SLC35F5: variants seen among roughly 807,000 people sequenced by gnomAD.
The protein encoded by SLC35F5 is HCV NS5A-transactivated protein 3.
SLC35F5 carries 54 observed loss-of-function variants against 68.6 expected under a neutral mutation model. The observed-to-expected ratio is 0.79, with a 90% CI of 0.63 to 0.99. SLC35F5 has a LOEUF of 0.99. Among genes scored for constraint, SLC35F5 ranks in the 50% least tolerant of loss-of-function variants. The probability of loss-of-function intolerance (pLI) is 0.00; values close to 1 mark genes in which losing one functional copy is unlikely to be tolerated. For missense variants in SLC35F5, 567 were observed against 626.9 expected (o/e 0.90, Z 1.02); for synonymous variants, 211 against 205.2 (o/e 1.03, Z -0.24).
chr2:113,723,960 C>T (rs1358243776), intron 12 of SLC35F5, among the ~76,000 whole-genome samples: 1 of 152,078 alleles, frequency 6.6e-6, no homozygotes, highest in African/African-American at 2.4e-5. Context: ...CAAGATAAAA[C>T]CATAATGTAT....
rs137888570 is a variant in SLC35F5, at chr2:113,725,759, A to G, written c.1091-222T>C. The stretch of plus-strand genomic sequence containing the variant: ...TGGTGATCACTCAGTTCAACTACCC[A>G]CATTGTATGGGAGCAACTACTATGG... On this transcript the variant is annotated intron_variant, in intron 11 of 15. Coordinates refer to ENST00000245680, the MANE Select transcript of SLC35F5 (RefSeq NM_025181.5). The G allele has an allele frequency of 3.9e-3, 1,610 of 409,640 alleles. 11 individuals are homozygous for G. The highest frequency in any genetic ancestry group is 5.5e-3 in the Non-Finnish European group (1,250 of 228,832). 25.4% of individuals were successfully genotyped at this position (409,640 alleles called of 1,614,324 possible).
Position 113,711,513 on chromosome 2 carries a change from TA to T in SLC35F5, c.*3704del, listed in dbSNP as rs11298773. Among the ~76,000 whole-genome samples the T allele has an allele frequency of 0.23, 35,591 of 151,910 alleles. 4,516 individuals are homozygous for T. Among genetic ancestry groups the T allele is most frequent in the Middle Eastern group, 0.49 (143 of 294 alleles). On this transcript the variant is annotated 3_prime_UTR_variant, in exon 16 of 16. Transcript: ENST00000245680. ...GTACAGGCAAATGAGGCTGTTACTA[TA>T]AAAAAAATGTGGTGTCTAAAAATTG...
intron 14 of SLC35F5, among the ~76,000 whole-genome samples, chr2:113,718,524 A>G (rs1200236372): frequency 6.6e-6 from 1 of 152,216 alleles, no homozygotes; most frequent in Non-Finnish European, 1.5e-5. Flanking sequence ...TTTTGGTATT[A>G]CCTGTGAATC....
rs1227780332 is a variant in SLC35F5, at chr2:113,755,180, G to A, written c.258C>T (p.Ser86=). The change falls in exon 3 of 16, where the codon TCC becomes TCT. Residue 86 remains serine (S), a synonymous_variant. Coordinates refer to ENST00000245680, the MANE Select transcript of SLC35F5 (RefSeq NM_025181.5). ...AGGTACATACCGAAGTAAGTTCAGA[G>A]GAAGCAACCCATATCACATCAACAA... is the stretch of plus-strand genomic sequence containing the variant. ...LLLVDVIWVA[S]SELTSYVFTQ... 1 of 1,613,852 alleles carries A rather than the reference G, an allele frequency of 6.2e-7. No individual in the cohort carries two copies. The highest frequency in any genetic ancestry group is 1.3e-5 in the African/African-American group (1 of 74,872).
In SLC35F5 at chr2:113,743,015, T is replaced by C. The variant is rs183836884; in HGVS notation, c.563-136A>G. The C allele has an allele frequency of 3.9e-3, 2,970 of 756,396 alleles. 20 individuals carry two copies. The highest frequency in any genetic ancestry group is 0.011 in the Middle Eastern group (41 of 3,624). 46.9% of individuals were successfully genotyped at this position (756,396 alleles called of 1,614,324 possible). On this transcript the variant is annotated intron_variant, in intron 6 of 15. Coordinates refer to ENST00000245680, the MANE Select transcript of SLC35F5 (RefSeq NM_025181.5). ...AGTCAAAGTAAACCAAAAAGAGGTA[T>C]ATCATTACCTGAGACAACTTTGTTC...
intron 11 of SLC35F5, among the ~76,000 whole-genome samples, chr2:113,728,044 T>G (rs1449991304): frequency 6.6e-6 from 1 of 152,124 alleles, no homozygotes; most frequent in Non-Finnish European, 1.5e-5. Flanking sequence ...CAGGCTAGAG[T>G]GCAGAGACAC....
chr2:113,732,187 T>C (rs1258301564), intron 9 of SLC35F5, among the ~76,000 whole-genome samples: 2 of 152,148 alleles, frequency 1.3e-5, no homozygotes, highest in African/African-American at 4.8e-5. Context: ...GCTTAAACAA[T>C]TTCACTAATC....
At chr2:113,748,559 T>C (rs923809448) in intron 4 of SLC35F5, among the ~76,000 whole-genome samples, 23 of 152,332 alleles carry the variant, frequency 1.5e-4, no homozygotes, top group African/African-American at 5.3e-4. Flanking sequence ...CCTTGAATGG[T>C]AGCATTTATT....
chr2:113,702,940 T>C (rs7586800), downstream of SLC35F5, among the ~76,000 whole-genome samples: 74,991 of 151,642 alleles, frequency 0.49, 19,100 homozygotes, highest in Middle Eastern at 0.67. Flanking sequence ...AAGACCTCAT[T>C]GCTACTAAAA....
chr2:113,753,162 G>GT (rs143010470), intron 3 of SLC35F5, among the ~76,000 whole-genome samples: 17,932 of 50,022 alleles, frequency 0.36, 4,063 homozygotes, highest in Non-Finnish European at 0.43. Context: ...TCCAAAGTTT[G>GT]TTTTTCTTTT....
intron 14 of SLC35F5, among the ~76,000 whole-genome samples, chr2:113,718,678 C>T (rs1365613688): frequency 6.6e-6 from 1 of 151,896 alleles, no homozygotes; most frequent in Admixed American, 6.6e-5. Context: ...GCCTGTAATC[C>T]CAGCTACTCA....
At position 113,743,811 on chromosome 2, in the gene SLC35F5, A is replaced by G. The variant is rs1285768465; in HGVS notation, c.481-17T>C. ...AGGTTCACTCTGGAATGTAACAGAA[A>G]AAAATATAAACAACAAATATAAAAG... On this transcript the variant is annotated splice_polypyrimidine_tract_variant and intron_variant, in intron 5 of 15. Coordinates refer to ENST00000245680, the MANE Select transcript of SLC35F5 (RefSeq NM_025181.5). 2 of 1,569,994 alleles carry G rather than the reference A, an allele frequency of 1.3e-6. No homozygotes were observed. Among genetic ancestry groups the G allele is most frequent in the East Asian group, 2.2e-5 (1 of 44,522 alleles).
chr2:113,754,035 T>C (rs1433372317), intron 3 of SLC35F5, among the ~76,000 whole-genome samples: 4 of 152,082 alleles, frequency 2.6e-5, no homozygotes, highest in Admixed American at 2.0e-4. Context: ...CTCACGTCTG[T>C]AATCCCAGCA....
At chr2:113,753,546 A>C (rs1676843284) in intron 3 of SLC35F5, among the ~76,000 whole-genome samples, 2 of 152,150 alleles carry the variant, frequency 1.3e-5, no homozygotes, top group South Asian at 4.1e-4. Context: ...TTGAATAATG[A>C]GATTGTAAAA....
Position 113,753,173 on chromosome 2 carries a change from T to C in SLC35F5, c.273+1992A>G, listed in dbSNP as rs1360714158. On this transcript the variant is annotated intron_variant, in intron 3 of 15. Coordinates refer to ENST00000245680, the MANE Select transcript of SLC35F5 (RefSeq NM_025181.5). ...TATCTCCAAAGTTTGTTTTTCTTTTTTTTTTTTTTTTTTTTTTTTTTTGCT... is the reference window on the plus strand; with the variant it reads ...TATCTCCAAAGTTTGTTTTTCTTTTCTTTTTTTTTTTTTTTTTTTTTTGCT... Among the ~76,000 whole-genome samples the C allele has an allele frequency of 1.3e-4, 15 of 115,382 alleles. 1 individual carries two copies. Among genetic ancestry groups the C allele is most frequent in the Admixed American group, 2.5e-4 (3 of 11,780 alleles). 75.7% of individuals were successfully genotyped at this position (115,382 alleles called of 152,430 possible).
intron 7 of SLC35F5, among the ~76,000 whole-genome samples, chr2:113,737,963 T>A (rs1052667675): frequency 1.3e-5 from 2 of 152,190 alleles, no homozygotes; most frequent in Admixed American, 1.3e-4. Context: ...TAAATTGTCA[T>A]AAAATGTTAA....
At position 113,725,543 on chromosome 2, in the gene SLC35F5, C is replaced by T. The variant is rs777774510; in HGVS notation, c.1091-6G>A. The T allele has an allele frequency of 6.4e-6, 10 of 1,571,824 alleles. 1 individual carries two copies. In the South Asian group the frequency reaches 1.1e-4, roughly 17 times the overall value. On this transcript the variant is annotated splice_polypyrimidine_tract_variant and splice_region_variant and intron_variant, in intron 11 of 15. Coordinates refer to ENST00000245680, the MANE Select transcript of SLC35F5 (RefSeq NM_025181.5). ...ATTAAACAAACCTACAAAACCTGAA[C>T]ATGTATAAAAGAGACAAGAGTTAAA...
At chr2:113,706,066 C>T (rs149519895), downstream of SLC35F5, among the ~76,000 whole-genome samples, 211 of 152,278 alleles carry the variant, frequency 1.4e-3, 1 homozygote, top group African/African-American at 4.9e-3. Flanking sequence ...GTGACATCTT[C>T]GCAGGCTGTG....
chr2:113,727,463 A>G (rs1574228875), intron 11 of SLC35F5, among the ~76,000 whole-genome samples: 1 of 152,146 alleles, frequency 6.6e-6, no homozygotes, highest in East Asian at 1.9e-4. Flanking sequence ...CATTACCAAG[A>G]TCTAAATCTA....
Sources: allele counts gnomAD v4.1 joint callset (sites outside exome capture counted in the v4.1 genomes callset), GRCh38; gene constraint gnomAD v4.1.1; transcripts MANE v1.5; gene names NCBI Gene and HGNC (gene_info 2026-07-23, HGNC 2026-07-21).